NAV2: variants seen among roughly 807,000 people sequenced by gnomAD.
NAV2 encodes neuron navigator 2.
In NAV2, 54 loss-of-function variants were observed where a neutral mutation model predicts 223.2. The observed-to-expected ratio is 0.24, with a 90% CI of 0.19 to 0.30. The LOEUF is 0.30. NAV2 is among the 10% of genes least tolerant of loss of function. The pLI is 1.00. For missense variants in NAV2, 2,806 were observed against 3,147.5 expected (o/e 0.89, Z 2.60); for synonymous variants, 1,279 against 1,239.3 (o/e 1.03, Z -0.67).
intron 1 of NAV2, among the ~76,000 whole-genome samples, chr11:19,683,620 G>T (rs554116951): frequency 2.5e-4 from 38 of 152,374 alleles, no homozygotes; most frequent in East Asian, 1.7e-3. Flanking sequence ...ATAGCACTGT[G>T]GTCCCCACTG....
rs144519239 is a variant in NAV2 at position 19,839,466 on chromosome 11, C to G, written c.386-3405C>G. On this transcript the variant is annotated intron_variant, in intron 2 of 37. Transcript: ENST00000349880. ...TCTTAGAAGTGGGAAGACCTGATAG[C>G]AGCTTCTTTTCCACCACCATTTGGG... 2.7e-3 allele frequency among the ~76,000 whole-genome samples: 409 copies of G among 152,308 alleles called. 2 individuals carry two copies. Among genetic ancestry groups the G allele is most frequent in the African/African-American group, 9.3e-3 (386 of 41,564 alleles).
intron 1 of NAV2, among the ~76,000 whole-genome samples, chr11:19,726,423 G>A (rs1203096982): frequency 6.6e-6 from 1 of 152,190 alleles, no homozygotes; most frequent in Non-Finnish European, 1.5e-5. Context: ...TGAAGATGAG[G>A]ATGCCACGCC....
rs112416563 is a variant in NAV2, at chr11:19,538,524, T to G, written c.75+187497T>G. Reference sequence around the variant, plus strand: ...CCTGGCTAACTTTTGTTTTTGTTTTTTTTTTTTCTGCTAAGATGGGAGTCT... The same window carrying G: ...CCTGGCTAACTTTTGTTTTTGTTTTGTTTTTTTCTGCTAAGATGGGAGTCT... On this transcript the variant is annotated intron_variant, in intron 1 of 37. Transcript: ENST00000360655. 1.4e-4 allele frequency among the ~76,000 whole-genome samples: 21 copies of G among 151,726 alleles called. No individual in the cohort carries two copies. In the East Asian group the frequency reaches 3.5e-3, roughly 25 times the overall value.
intron 1 of NAV2, among the ~76,000 whole-genome samples, chr11:19,423,130 A>G (rs1850685761): frequency 6.6e-6 from 1 of 152,224 alleles, no homozygotes; most frequent in African/African-American, 2.4e-5. Flanking sequence ...TTTTTAAAAG[A>G]TGGGATATAG....
intron 1 of NAV2, among the ~76,000 whole-genome samples, chr11:19,357,302 T>C (rs1341007341): frequency 6.6e-6 from 1 of 152,228 alleles, no homozygotes; most frequent in African/African-American, 2.4e-5. Flanking sequence ...GGTTTTAAAC[T>C]GGAGGGAGAA....
At chr11:19,735,529 C>T (rs1382034162) in intron 1 of NAV2, among the ~76,000 whole-genome samples, 1 of 152,220 alleles carries the variant, frequency 6.6e-6, no homozygotes, top group Non-Finnish European at 1.5e-5. Flanking sequence ...CACTATTATT[C>T]ACCCTGTTTT....
intron 10 of NAV2, among the ~76,000 whole-genome samples, chr11:19,953,860 T>C (rs11025339): frequency 0.46 from 55,962 of 120,570 alleles, 10,462 homozygotes; most frequent in Admixed American, 0.5. Flanking sequence ...CGCGCGCGCG[T>C]GTGTGTGTGT....
At chr11:19,448,901 C>T (rs1227567284) in intron 1 of NAV2, among the ~76,000 whole-genome samples, 1 of 152,246 alleles carries the variant, frequency 6.6e-6, no homozygotes, top group Admixed American at 6.5e-5. Context: ...TCAATGTGCT[C>T]TCTAAGAGTG....
chr11:19,371,516 TA>T (rs1175097746), intron 1 of NAV2, among the ~76,000 whole-genome samples: 1 of 152,240 alleles, frequency 6.6e-6, no homozygotes. Flanking sequence ...ACTGAGTGCT[TA>T]CCAGGGATTG....
At chr11:19,755,037 G>T (rs778227727) in intron 1 of NAV2, among the ~76,000 whole-genome samples, 10 of 152,124 alleles carry the variant, frequency 6.6e-5, no homozygotes, top group Non-Finnish European at 1.3e-4. Flanking sequence ...TAATCGACAG[G>T]ATCAATGATC....
intron 6 of NAV2, among the ~76,000 whole-genome samples, chr11:19,899,075 G>T (rs1228377105): frequency 6.6e-6 from 1 of 152,158 alleles, no homozygotes; most frequent in Non-Finnish European, 1.5e-5. Context: ...AGGTGTGAAT[G>T]AATTCTTCAG....
At chr11:19,955,994 G>C (rs1038937231) in intron 10 of NAV2, among the ~76,000 whole-genome samples, 2 of 152,130 alleles carry the variant, frequency 1.3e-5, no homozygotes, top group African/African-American at 2.4e-5. Flanking sequence ...ATAGATTCTC[G>C]TTTCTCTAGG....
intron 1 of NAV2, among the ~76,000 whole-genome samples, chr11:19,652,340 C>T (rs1427935121): frequency 1.3e-5 from 2 of 152,062 alleles, no homozygotes; most frequent in African/African-American, 4.8e-5. Context: ...GGTCCTGGGT[C>T]AAGGCAGCCT....
chr11:19,439,783 C>A (rs1011168788), intron 1 of NAV2, among the ~76,000 whole-genome samples: 3 of 152,100 alleles, frequency 2.0e-5, no homozygotes, highest in African/African-American at 7.2e-5. Flanking sequence ...TTGTTTCAAC[C>A]CTTGTTAAAA....
intron 1 of NAV2, among the ~76,000 whole-genome samples, chr11:19,386,490 G>C (rs1849046593): frequency 6.6e-6 from 1 of 152,178 alleles, no homozygotes; most frequent in Non-Finnish European, 1.5e-5. Context: ...TGTTGAATCT[G>C]AATCTCAGTG....
rs554399209 is a variant in NAV2, at chr11:19,752,776, T to C, written c.267+38814T>C. ...ATAATACTATGAGGGGATTTCTCATTGGTAAGTATTAGACAAACAGTGGTT... is the reference window on the plus strand; with the variant it reads ...ATAATACTATGAGGGGATTTCTCATCGGTAAGTATTAGACAAACAGTGGTT... On this transcript the variant is annotated intron_variant, in intron 1 of 37. Transcript: ENST00000349880. Among the ~76,000 whole-genome samples, 12 of 152,286 alleles carry C rather than the reference T, an allele frequency of 7.9e-5. No homozygotes were observed. The South Asian group carries it at 1.5e-3, about 18-fold the overall frequency.
At chr11:20,071,816 T>C (rs1235754748) in intron 22 of NAV2, among the ~76,000 whole-genome samples, 1 of 152,254 alleles carries the variant, frequency 6.6e-6, no homozygotes, top group African/African-American at 2.4e-5. Context: ...TTAAGTTCTT[T>C]ATAAATTTGT....
chr11:19,830,054 A>C (rs535232633), intron 1 of NAV2, among the ~76,000 whole-genome samples: 1 of 152,068 alleles, frequency 6.6e-6, no homozygotes, highest in African/African-American at 2.4e-5. Flanking sequence ...GTGAAGCCTC[A>C]TCTCTACTAA....
intron 1 of NAV2, among the ~76,000 whole-genome samples, chr11:19,617,857 T>G (rs529280112): frequency 6.6e-6 from 1 of 152,312 alleles, no homozygotes; most frequent in East Asian, 1.9e-4. Context: ...CAGGCCATGC[T>G]GCTCCAGTCA....
Sources: allele counts gnomAD v4.1 joint callset (sites outside exome capture counted in the v4.1 genomes callset), GRCh38; gene constraint gnomAD v4.1.1; transcripts MANE v1.5; gene names NCBI Gene and HGNC (gene_info 2026-07-23, HGNC 2026-07-21).